SEBOX: variants seen among roughly 807,000 people sequenced by gnomAD.
SEBOX encodes the protein SEBOX homeobox, also known as homeobox protein SEBOX.
A neutral mutation model predicts 7.8 loss-of-function variants in SEBOX; 10 were observed. That is an observed-to-expected ratio of 1.28 (90% CI 0.79 to 2.17). The LOEUF (loss-of-function observed/expected upper bound fraction) is 2.17, where lower values mean the gene tolerates loss of function less well. Ranked by LOEUF, SEBOX falls within the 30% of genes most tolerant of loss-of-function variation. The pLI, the probability that SEBOX is intolerant of heterozygous loss-of-function variation, is 0.00. For synonymous variants in SEBOX, 98 were observed against 91.5 expected, an observed-to-expected ratio of 1.07 and a Z score of -0.40; for missense variants, 240 against 239.5, an observed-to-expected ratio of 1.00 and a Z score of -0.01.
In SEBOX at chr17:28,364,090, T is replaced by G. The variant is rs2067887397; in HGVS notation, c.*178A>C. ...CCCCAGTCTGCTTAGGACCTGCATC[T>G]AGGCTGGCCTGGAGGCCAGTGGAAG... On this transcript the variant is annotated 3_prime_UTR_variant, in exon 3 of 3. Transcript: ENST00000536498. Among the ~76,000 whole-genome samples, 3 of 152,184 alleles carry G rather than the reference T, an allele frequency of 2.0e-5. No homozygotes were observed. The highest frequency in any genetic ancestry group is 7.2e-5 in the African/African-American group (3 of 41,466).
rs371853144 is a variant in SEBOX at position 28,364,966 on chromosome 17, T to C, written c.32-11A>G. ...ACCCGCTGCCACCGTCTGCAGGCCA[T>C]GGTGGGGGTCAAGCTGGGACTCCCT... On this transcript the variant is annotated splice_polypyrimidine_tract_variant and intron_variant, in intron 1 of 2. Coordinates refer to ENST00000536498, the MANE Select transcript of SEBOX (RefSeq NM_001080837.4). 29 of 1,606,368 alleles carry C rather than the reference T, an allele frequency of 1.8e-5. No homozygotes were observed. The highest frequency in any genetic ancestry group is 2.5e-5 in the Non-Finnish European group (29 of 1,176,982).
Position 28,364,825 on chromosome 17 carries a change from C to G in SEBOX, c.162G>C (p.Trp54Cys). 1 of 1,613,882 alleles carries G rather than the reference C, an allele frequency of 6.2e-7. No homozygotes were observed. The highest frequency in any genetic ancestry group is 8.5e-7 in the Non-Finnish European group (1 of 1,179,852). Residue 54 changes from tryptophan (W) to cysteine (C), a missense_variant, in exon 2 of 3, where the codon TGG becomes TGC. Coordinates refer to ENST00000536498, the MANE Select transcript of SEBOX (RefSeq NM_001080837.4). ...PNISTHEHLA[W>C]VTCLPEAKVQ... ...CCTTGGCCTCAGGAAGGCAAGTGAC[C>G]CAGGCCAGGTGCTCATGGGTGCTGA...
Position 28,364,624 on chromosome 17 carries a change from T to C in SEBOX, c.217A>G (p.Lys73Glu), listed in dbSNP as rs1555582717. 5 of 1,545,712 alleles carry C rather than the reference T, an allele frequency of 3.2e-6. 1 individual carries two copies. The South Asian group carries it at 5.1e-5, about 16-fold the overall frequency. Residue 73 changes from lysine to glutamate, a missense_variant, in exon 3 of 3, where the codon AAA becomes GAA. Lys to Glu is a moderately conservative substitution (Grantham distance 56). Transcript: ENST00000536498. ...CCTGACTTCCTGTTCTTGATTATTT[T>C]GGCCCAGCGCTTCTGGAACCACACC... Reference protein sequence around the residue: ...VQVWFQKRWAKIIKNRKSGIL... With the variant: ...VQVWFQKRWAEIIKNRKSGIL...
In SEBOX at chr17:28,364,163, A is replaced by G. The variant is rs2067888360; in HGVS notation, c.*105T>C. 2.6e-6 allele frequency: 3 copies of G among 1,148,090 alleles called. No homozygotes were observed. The highest frequency in any genetic ancestry group is 2.6e-5 in the East Asian group (1 of 38,768). 71.1% of individuals were successfully genotyped at this position (1,148,090 alleles called of 1,614,324 possible). A position where few individuals can be genotyped will look rare whatever the true frequency, so the allele number is the denominator to read the frequency against. ...CCTTTCCCGTAGGGAATCCCTTTGC[A>G]TAAAAAGTGGGGCCAGGGAATCCAC... On this transcript the variant is annotated 3_prime_UTR_variant, in exon 3 of 3. Coordinates refer to ENST00000536498, the MANE Select transcript of SEBOX (RefSeq NM_001080837.4).
rs116697192 is a variant in SEBOX at position 28,365,056 on chromosome 17, C to T, written c.31+65G>A. On this transcript the variant is annotated intron_variant, in intron 1 of 2. Coordinates refer to ENST00000536498, the MANE Select transcript of SEBOX (RefSeq NM_001080837.4). The stretch of plus-strand genomic sequence containing the variant: ...CCGAAGTCCCTACTCCCACCCCTCT[C>T]CAACCGTCCTCATCCTACCATGGCC... 1,968 of 1,579,704 alleles carry T rather than the reference C, an allele frequency of 1.2e-3. 30 individuals are homozygous for T. The African/African-American group carries it at 0.024, about 19-fold the overall frequency.
Position 28,364,271 on chromosome 17 carries a change from G to A in SEBOX, c.570C>T (p.Ser190=), listed in dbSNP as rs782158005. ...ALAIVVNVDH[S] is the part of the protein sequence containing the mutation. ...CCTTGCAAGTTCTGGACAAAGACTA[G>A]GAGTGGTCCACATTGACGACAATGG... The change falls in exon 3 of 3, where the codon TCC becomes TCT. Residue 190 remains serine (S), a synonymous_variant. Coordinates refer to ENST00000536498, the MANE Select transcript of SEBOX (RefSeq NM_001080837.4). 7 of 1,606,296 alleles carry A rather than the reference G, an allele frequency of 4.4e-6. No homozygotes were observed. Among genetic ancestry groups the A allele is most frequent in the Non-Finnish European group, 6.0e-6 (7 of 1,176,092 alleles).
Position 28,364,738 on chromosome 17 carries a change from G to A in SEBOX, c.192+57C>T, listed in dbSNP as rs2277668. 18 of 1,603,814 alleles carry A rather than the reference G, an allele frequency of 1.1e-5. 1 individual carries two copies. In the South Asian group the frequency reaches 1.6e-4, roughly 14 times the overall value. On this transcript the variant is annotated intron_variant, in intron 2 of 2. Transcript: ENST00000536498. ...ACAACCTGAAGGCAGGCTACCCAGC[G>A]AAGGGGCTGTGGGCCAAGCCTAGAT... is the stretch of plus-strand genomic sequence containing the variant.
intron 2 of SEBOX, 29 bp downstream of exon 2, chr17:28,364,766 T>G: frequency 1.2e-6 from 2 of 1,612,898 alleles, no homozygotes; most frequent in Non-Finnish European, 1.7e-6. Context: ...GCCTAGATGT[T>G]GGCTGTGTGA....
rs782040148 is a variant in SEBOX, at chr17:28,364,785, C to G, written c.192+10G>C. Reference sequence around the variant, plus strand: ...AGATGTTGGCTGTGTGAGAAGGGGTCACAGCTCACCTGTACCTTGGCCTCA... The same window carrying G: ...AGATGTTGGCTGTGTGAGAAGGGGTGACAGCTCACCTGTACCTTGGCCTCA... On this transcript the variant is annotated intron_variant, in intron 2 of 2. Transcript: ENST00000536498. 8 of 1,613,628 alleles carry G rather than the reference C, an allele frequency of 5.0e-6. No homozygotes were observed. The South Asian group carries it at 7.7e-5, about 16-fold the overall frequency.
In SEBOX at chr17:28,364,437, A is replaced by G. The variant is rs1555582676; in HGVS notation, c.404T>C (p.Leu135Ser). Reference protein sequence around the residue: ...CRHSSCPAPGLSPRQGWEGAK... With the variant: ...CRHSSCPAPGSSPRQGWEGAK... ...CCCTTCCCAGCCCTGCCGTGGACTC[A>G]AGCCAGGAGCTGGACAGGAGCTATG... is the stretch of plus-strand genomic sequence containing the variant. The change falls in exon 3 of 3, where the codon TTG (leucine) becomes TCG (serine). Residue 135 changes from leucine (L) to serine (S), a missense_variant. By Grantham distance (145) the Leu-to-Ser change is moderately radical (BLOSUM62 -2). Coordinates refer to ENST00000536498, the MANE Select transcript of SEBOX (RefSeq NM_001080837.4). 1.3e-6 allele frequency: 2 copies of G among 1,597,624 alleles called. No homozygotes were observed. The highest frequency in any genetic ancestry group is 1.7e-4 in the Middle Eastern group (1 of 6,036).
Position 28,364,606 on chromosome 17 carries a change from T to A in SEBOX, c.235A>T (p.Lys79Ter), listed in dbSNP as rs782321355. 1.3e-6 allele frequency: 2 copies of A among 1,546,802 alleles called. No individual in the cohort carries two copies. The highest frequency in any genetic ancestry group is 2.5e-5 in the South Asian group (2 of 79,306). The change falls in exon 3 of 3, where the codon AAG becomes TAG. Residue 79 changes from lysine to a stop codon, truncating the protein, a stop_gained. Coordinates refer to ENST00000536498, the MANE Select transcript of SEBOX (RefSeq NM_001080837.4). LOFTEE classifies it low-confidence loss of function (END_TRUNC). ...KRWAKIIKNR[K>*]SGILSPGSEC... ...GACCCAGGGCTTAGAATTCCTGACT[T>A]CCTGTTCTTGATTATTTTGGCCCAG...
At position 28,364,492 on chromosome 17, in the gene SEBOX, C is replaced by T. The variant is rs782024721; in HGVS notation, c.349G>A (p.Gly117Ser). 12 of 1,607,908 alleles carry T rather than the reference C, an allele frequency of 7.5e-6. No homozygotes were observed. Among genetic ancestry groups the T allele is most frequent in the Admixed American group, 3.4e-5 (2 of 59,514 alleles). The part of the protein sequence containing the change: ...QMPGQPPPSS[G>S]TPQRTSVCRH... ...CACACTGAGGTGCGCTGAGGTGTGC[C>T]GCTGGAGGGTGGAGGTTGGCCTGGC... is the stretch of plus-strand genomic sequence containing the variant. Residue 117 changes from glycine (G) to serine (S), a missense_variant, in exon 3 of 3, where the codon GGC becomes AGC. Coordinates refer to ENST00000536498, the MANE Select transcript of SEBOX (RefSeq NM_001080837.4).
In SEBOX at chr17:28,364,075, C is replaced by T. The variant is rs1165062873; in HGVS notation, c.*193G>A. 6.6e-6 allele frequency among the ~76,000 whole-genome samples: 1 copy of T among 152,186 alleles called. No individual in the cohort carries two copies. The highest frequency in any genetic ancestry group is 1.5e-5 in the Non-Finnish European group (1 of 68,034). On this transcript the variant is annotated 3_prime_UTR_variant, in exon 3 of 3. Transcript: ENST00000536498. ...GTGGCAGGAGCCAGGCCCCAGTCTG[C>T]TTAGGACCTGCATCTAGGCTGGCCT...
In SEBOX at chr17:28,364,923, T is replaced by G. The variant is rs782100583; in HGVS notation, c.64A>C (p.Lys22Gln). The change falls in exon 2 of 3, where the codon AAG (lysine) becomes CAG (glutamine). Residue 22 changes from lysine to glutamine, a missense_variant. Physicochemically the swap from Lys to Gln is moderately conservative, Grantham distance 53. Coordinates refer to ENST00000536498, the MANE Select transcript of SEBOX (RefSeq NM_001080837.4). ...GGSGLGSHRR[K>Q]RTTFSKGQLL... ...TGCCCTTTGCTGAAGGTGGTCCGCT[T>G]TCTCCGGTGGGAACCCAACCCGCTG... 3 of 1,613,236 alleles carry G rather than the reference T, an allele frequency of 1.9e-6. No homozygotes were observed. Among genetic ancestry groups the G allele is most frequent in the Non-Finnish European group, 2.5e-6 (3 of 1,179,664 alleles).
chr17:28,364,287 A>T lies in SEBOX; in HGVS notation c.554T>A (p.Val185Asp), dbSNP rs782522260. 1.9e-6 allele frequency: 3 copies of T among 1,607,896 alleles called. No individual in the cohort carries two copies. The highest frequency in any genetic ancestry group is 2.5e-6 in the Non-Finnish European group (3 of 1,177,084). Residue 185 changes from valine to aspartate, a missense_variant, in exon 3 of 3, where the codon GTC becomes GAC. Transcript: ENST00000536498. ...SDLIYALAIV[V>D]NVDHS is the part of the protein sequence containing the mutation. ...CAAAGACTAGGAGTGGTCCACATTGACGACAATGGCCAAGGCATAGATGAG... is the reference window on the plus strand; with the variant it reads ...CAAAGACTAGGAGTGGTCCACATTGTCGACAATGGCCAAGGCATAGATGAG...
At position 28,364,377 on chromosome 17, in the gene SEBOX, G is replaced by A; in HGVS notation, c.464C>T (p.Ala155Val). ...CTCTAAAGAAGGGTGGACCTCTGAAGCCCCAGCTGATCCCCATGGGGCTAC... is the reference window on the plus strand; with the variant it reads ...CTCTAAAGAAGGGTGGACCTCTGAAACCCCAGCTGATCCCCATGGGGCTAC... ...KAVAPWGSAG[A>V]SEVHPSLERA... The change falls in exon 3 of 3, where the codon GCT (alanine) becomes GTT (valine). Residue 155 changes from alanine to valine, a missense_variant. Transcript: ENST00000536498. 1 of 1,592,570 alleles carries A rather than the reference G, an allele frequency of 6.3e-7. No homozygotes were observed. The highest frequency in any genetic ancestry group is 8.6e-7 in the Non-Finnish European group (1 of 1,169,356).
At position 28,365,079 on chromosome 17, in the gene SEBOX, G is replaced by A. The variant is rs781841138; in HGVS notation, c.31+42C>T. ...CTCCAACCGTCCTCATCCTACCATG[G>A]CCTGCGTTCTCACCCTGCCCACACT... On this transcript the variant is annotated intron_variant, in intron 1 of 2. Coordinates refer to ENST00000536498, the MANE Select transcript of SEBOX (RefSeq NM_001080837.4). 10 of 1,586,848 alleles carry A rather than the reference G, an allele frequency of 6.3e-6. No homozygotes were observed. In the South Asian group the frequency reaches 1.1e-4, roughly 18 times the overall value.
rs1336497678 is a variant in SEBOX, at chr17:28,364,401, A to G, written c.440T>C (p.Val147Ala). The part of the protein sequence containing the change: ...PRQGWEGAKA[V>A]APWGSAGASE... ...AGCCCCAGCTGATCCCCATGGGGCTACAGCTTTAGCCCCTTCCCAGCCCTG... is the reference window on the plus strand; with the variant it reads ...AGCCCCAGCTGATCCCCATGGGGCTGCAGCTTTAGCCCCTTCCCAGCCCTG... Residue 147 changes from valine to alanine, a missense_variant, in exon 3 of 3, where the codon GTA becomes GCA. Physicochemically the swap from Val to Ala is moderately conservative, Grantham distance 64. Transcript: ENST00000536498. 1.3e-6 allele frequency: 2 copies of G among 1,590,370 alleles called. No homozygotes were observed. Among genetic ancestry groups the G allele is most frequent in the Non-Finnish European group, 1.7e-6 (2 of 1,168,130 alleles).
In SEBOX at chr17:28,364,159, T is replaced by C. The variant is rs782023339; in HGVS notation, c.*109A>G. 7 of 1,086,758 alleles carry C rather than the reference T, an allele frequency of 6.4e-6. No individual in the cohort carries two copies. Among genetic ancestry groups the C allele is most frequent in the Non-Finnish European group, 7.8e-6 (6 of 773,490 alleles). 67.3% of individuals were successfully genotyped at this position (1,086,758 alleles called of 1,614,324 possible). On this transcript the variant is annotated 3_prime_UTR_variant, in exon 3 of 3. Coordinates refer to ENST00000536498, the MANE Select transcript of SEBOX (RefSeq NM_001080837.4). ...AACTCCTTTCCCGTAGGGAATCCCTTTGCATAAAAAGTGGGGCCAGGGAAT... is the reference window on the plus strand; with the variant it reads ...AACTCCTTTCCCGTAGGGAATCCCTCTGCATAAAAAGTGGGGCCAGGGAAT...
Sources: allele counts gnomAD v4.1 joint callset (sites outside exome capture counted in the v4.1 genomes callset), GRCh38; gene constraint gnomAD v4.1.1; transcripts MANE v1.5; gene names NCBI Gene and HGNC (gene_info 2026-07-23, HGNC 2026-07-21).